The following UBE2D1 variants were observed in gnomAD, a reference collection of about 807,000 sequenced individuals.
The protein encoded by UBE2D1 is ubiquitin conjugating enzyme E2 D1, also known as ubiquitin-conjugating enzyme E2 D1.
In UBE2D1, 9 loss-of-function variants were observed where a neutral mutation model predicts 24.6. That is an observed-to-expected ratio of 0.37 (90% CI 0.22 to 0.64). The LOEUF is 0.64. Among genes scored for constraint, UBE2D1 ranks in the 30% least tolerant of loss-of-function variants. The pLI is 0.64. For synonymous variants in UBE2D1, 57 were observed against 57.6 expected (o/e 0.99, Z 0.04); for missense variants, 87 against 177.1 (o/e 0.49, Z 2.89).
chr10:58,363,449 T>C (rs151043352), intron 3 of UBE2D1, among the ~76,000 whole-genome samples, 160 bp from the exon 4 acceptor site: 3 of 152,182 alleles, frequency 2.0e-5, no homozygotes, highest in Non-Finnish European at 2.9e-5. Flanking sequence ...TTTGAACTTA[T>C]GACAAAATGG....
intron 1 of UBE2D1, among the ~76,000 whole-genome samples, chr10:58,352,598 A>G (rs1840089444): frequency 6.6e-6 from 1 of 152,106 alleles, no homozygotes; most frequent in Admixed American, 6.6e-5. Context: ...ATCGAAAAAA[A>G]AAATTACTAT....
chr10:58,335,071 G>A lies in UBE2D1; in HGVS notation c.-131G>A, dbSNP rs1839885264. ...GGGACCGGCGCCCGGAGCGAGCCAG[G>A]GAGCGGCTAACCGGGGACCCACCGC... is the stretch of plus-strand genomic sequence containing the variant. On this transcript the variant is annotated 5_prime_UTR_variant, in exon 1 of 7. Transcript: ENST00000373910. 4 of 964,778 alleles carry A rather than the reference G, an allele frequency of 4.1e-6. No individual in the cohort carries two copies. The highest frequency in any genetic ancestry group is 5.8e-5 in the East Asian group (2 of 34,476). 59.8% of individuals were successfully genotyped at this position (964,778 alleles called of 1,614,324 possible).
At chr10:58,359,384 A>G (rs1045081370) in intron 1 of UBE2D1, among the ~76,000 whole-genome samples, 1 of 152,220 alleles carries the variant, frequency 6.6e-6, no homozygotes, top group Non-Finnish European at 1.5e-5. Flanking sequence ...AGATTTGATT[A>G]AGTGCATATT....
intron 1 of UBE2D1, among the ~76,000 whole-genome samples, chr10:58,359,537 A>T (rs771800155): frequency 6.6e-6 from 1 of 152,168 alleles, no homozygotes; most frequent in Non-Finnish European, 1.5e-5. Context: ...TATCACAAGG[A>T]TTACAGATTC....
At chr10:58,350,573 T>G (rs907630346) in intron 1 of UBE2D1, among the ~76,000 whole-genome samples, 14 of 152,228 alleles carry the variant, frequency 9.2e-5, no homozygotes, top group Admixed American at 5.9e-4. Context: ...ACACTTTTAA[T>G]GTGCCTTTTG....
At chr10:58,362,437 A>G (rs1307722212) in intron 3 of UBE2D1, among the ~76,000 whole-genome samples, 1 of 152,238 alleles carries the variant, frequency 6.6e-6, no homozygotes, top group East Asian at 1.9e-4. Context: ...AAGGCAAAAT[A>G]CAATGTATTT....
chr10:58,336,430 C>T (rs1294386283), intron 1 of UBE2D1, among the ~76,000 whole-genome samples: 1 of 152,160 alleles, frequency 6.6e-6, no homozygotes, highest in African/African-American at 2.4e-5. Flanking sequence ...CATTCTGACT[C>T]GCCACTGGTG....
intron 5 of UBE2D1, among the ~76,000 whole-genome samples, chr10:58,366,078 A>G (rs1840251811): frequency 7.2e-6 from 1 of 138,938 alleles, no homozygotes; most frequent in Admixed American, 7.1e-5. Flanking sequence ...CATTAGATAT[A>G]TGAAAGATTC....
intron 1 of UBE2D1, among the ~76,000 whole-genome samples, chr10:58,338,571 A>G (rs1002743101): frequency 1.9e-4 from 29 of 152,212 alleles, no homozygotes; most frequent in Non-Finnish European, 3.2e-4. Flanking sequence ...TCTTCTATCA[A>G]TACTATTTTC....
intron 1 of UBE2D1, among the ~76,000 whole-genome samples, chr10:58,344,624 GAAAT>G (rs1283303602): frequency 2.6e-5 from 4 of 151,828 alleles, no homozygotes; most frequent in Non-Finnish European, 5.9e-5. Flanking sequence ...TATCAGATTT[GAAAT>G]AAATGTTGAC....
chr10:58,360,877 G>A (rs570904735), intron 1 of UBE2D1: 140 of 420,962 alleles, frequency 3.3e-4, no homozygotes, highest in African/African-American at 3.7e-4. Flanking sequence ...GTGAGCTTTC[G>A]TGCCACTGCA....
chr10:58,357,662 A>T lies in UBE2D1; in HGVS notation c.25-3676A>T, dbSNP rs542002011. On this transcript the variant is annotated intron_variant, in intron 1 of 6. Coordinates refer to ENST00000373910, the MANE Select transcript of UBE2D1 (RefSeq NM_003338.5). ...GTTTTCTGTAGGTCATTCTATCTGC[A>T]CATACGCATCCTAGTTTCAGTTACG... 9.2e-5 allele frequency among the ~76,000 whole-genome samples: 14 copies of T among 152,296 alleles called. No individual in the cohort carries two copies. In the South Asian group the frequency reaches 2.1e-3, roughly 23 times the overall value.
In UBE2D1 at chr10:58,369,800, T is replaced by C. The variant is rs1840294732; in HGVS notation, c.*1035T>C. 6.6e-6 allele frequency: 1 copy of C among 152,070 alleles called. No individual in the cohort carries two copies. Among genetic ancestry groups the C allele is most frequent in the Non-Finnish European group, 1.5e-5 (1 of 67,834 alleles). 9.4% of individuals were successfully genotyped at this position (152,070 alleles called of 1,614,324 possible). A position where few individuals can be genotyped will look rare whatever the true frequency, so the allele number is the denominator to read the frequency against. ...AAGATAATATATGTTGATCCCTTGC[T>C]GTAGAGGAGAATTTAGAGTAATTTG... is the stretch of plus-strand genomic sequence containing the variant. On this transcript the variant is annotated 3_prime_UTR_variant, in exon 7 of 7. Coordinates refer to ENST00000373910, the MANE Select transcript of UBE2D1 (RefSeq NM_003338.5).
rs560776908 is a variant in UBE2D1 at position 58,370,096 on chromosome 10, A to G, written c.*1331A>G. 4 of 151,302 alleles carry G rather than the reference A, an allele frequency of 2.6e-5. No homozygotes were observed. The highest frequency in any genetic ancestry group is 2.6e-4 in the Admixed American group (4 of 15,222). 9.4% of individuals were successfully genotyped at this position (151,302 alleles called of 1,614,324 possible). On this transcript the variant is annotated 3_prime_UTR_variant, in exon 7 of 7. Coordinates refer to ENST00000373910, the MANE Select transcript of UBE2D1 (RefSeq NM_003338.5). ...AAGTTACAAAGGAAGTTCTAAAATTATGCCTCCCTCTGTTTTTATAAGTTG... is the reference window on the plus strand; with the variant it reads ...AAGTTACAAAGGAAGTTCTAAAATTGTGCCTCCCTCTGTTTTTATAAGTTG...
chr10:58,354,988 G>A lies in UBE2D1; in HGVS notation c.25-6350G>A, dbSNP rs768889574. Among the ~76,000 whole-genome samples, 54 of 152,238 alleles carry A rather than the reference G, an allele frequency of 3.5e-4. 1 individual carries two copies. Among genetic ancestry groups the A allele is most frequent in the Non-Finnish European group, 2.6e-4 (18 of 68,010 alleles). On this transcript the variant is annotated intron_variant, in intron 1 of 6. Coordinates refer to ENST00000373910, the MANE Select transcript of UBE2D1 (RefSeq NM_003338.5). Reference sequence around the variant, plus strand: ...AAAAAGTAGAGTGGCATTGTTTTATGTTTTCAAATCTCGTTATAGTCAAGC... The same window carrying A: ...AAAAAGTAGAGTGGCATTGTTTTATATTTTCAAATCTCGTTATAGTCAAGC...
chr10:58,368,077 C>A (rs181014873), intron 6 of UBE2D1, 61 bp downstream of exon 6: 1 of 1,123,602 alleles, frequency 8.9e-7, no homozygotes, highest in Non-Finnish European at 1.3e-6. Context: ...TGCCAAAACA[C>A]GAATATTATC....
rs776473103 is a variant in UBE2D1, at chr10:58,369,368, CTG to C, written c.*605_*606del. ...TCTTAAATCTGAAATGATCTTTACACTGTAATTCTCAGCATACTGATTATGGA... is the reference window on the plus strand; with the variant it reads ...TCTTAAATCTGAAATGATCTTTACACTAATTCTCAGCATACTGATTATGGA... On this transcript the variant is annotated 3_prime_UTR_variant, in exon 7 of 7. Coordinates refer to ENST00000373910, the MANE Select transcript of UBE2D1 (RefSeq NM_003338.5). The C allele has an allele frequency of 6.6e-6, 1 of 152,482 alleles. No individual in the cohort carries two copies. The highest frequency in any genetic ancestry group is 2.1e-4 in the South Asian group (1 of 4,834). 9.4% of individuals were successfully genotyped at this position (152,482 alleles called of 1,614,324 possible).
chr10:58,359,780 C>G (rs1379677537), intron 1 of UBE2D1, among the ~76,000 whole-genome samples: 1 of 152,186 alleles, frequency 6.6e-6, no homozygotes, highest in Non-Finnish European at 1.5e-5. Flanking sequence ...GTTAGAATGA[C>G]TAAGACATTG....
intron 1 of UBE2D1, among the ~76,000 whole-genome samples, chr10:58,340,597 G>A (rs1425918608): frequency 6.6e-6 from 1 of 152,124 alleles, no homozygotes; most frequent in Non-Finnish European, 1.5e-5. Context: ...TCCTTTAGTG[G>A]AGAGAGTGTT....
Sources: allele counts gnomAD v4.1 joint callset (sites outside exome capture counted in the v4.1 genomes callset), GRCh38; gene constraint gnomAD v4.1.1; transcripts MANE v1.5; gene names NCBI Gene and HGNC (gene_info 2026-07-23, HGNC 2026-07-21).